Variants in DMBT1 observed in about 807,000 individuals in gnomAD.
DMBT1 encodes scavenger receptor cysteine-rich domain-containing protein DMBT1.
Under a neutral mutation model 252.9 loss-of-function variants are expected in DMBT1, and 198 were observed. The ratio of observed to expected loss-of-function variants is 0.78; its 90% CI spans 0.70 to 0.88. DMBT1 has a LOEUF of 0.88. Ranked by LOEUF, DMBT1 falls within the 40% of genes least tolerant of loss-of-function variation. DMBT1 has a pLI of 0.00. For missense variants in DMBT1, 2,432 were observed against 2,404.7 expected (o/e 1.01, Z -0.24); for synonymous variants, 990 against 942.7 (o/e 1.05, Z -0.92).
At chr10:122,622,734 T>C (rs1173826818) in intron 44 of DMBT1, among the ~76,000 whole-genome samples, 2 of 152,208 alleles carry the variant, frequency 1.3e-5, no homozygotes, top group African/African-American at 2.4e-5. Context: ...CCCATCTTTG[T>C]GTTCCTTTGG....
intron 5 of DMBT1, among the ~76,000 whole-genome samples, chr10:122,573,399 G>A (rs765637383): frequency 5.9e-5 from 9 of 152,314 alleles, no homozygotes; most frequent in East Asian, 1.9e-4. Context: ...CATAGAAACC[G>A]CCAGATGTCT....
chr10:122,620,190 T>A, intron 42 of DMBT1, 63 bp from the exon 43 acceptor site: 1 of 1,561,644 alleles, frequency 6.4e-7, no homozygotes, highest in Non-Finnish European at 8.8e-7. Flanking sequence ...GTTCAGAGAT[T>A]TTTTTTTGTA....
At chr10:122,626,490 T>A (rs548193090) in intron 46 of DMBT1, among the ~76,000 whole-genome samples, 23 of 152,334 alleles carry the variant, frequency 1.5e-4, no homozygotes, top group African/African-American at 5.5e-4. Context: ...TATAGATAAT[T>A]TTTTTGCATA....
chr10:122,633,001 C>G (rs760911639), intron 51 of DMBT1, 111 bp downstream of exon 51: 3 of 1,554,630 alleles, frequency 1.9e-6, no homozygotes, highest in African/African-American at 1.4e-5. Flanking sequence ...CCAAAGTGGT[C>G]TCCCTGCAAG....
intron 2 of DMBT1, among the ~76,000 whole-genome samples, 163 bp downstream of exon 2, chr10:122,566,159 G>A (rs898054000): frequency 1.1e-4 from 17 of 152,222 alleles, no homozygotes; most frequent in African/African-American, 4.1e-4. Context: ...CCAAGACCTG[G>A]GGCATGTCTC....
At chr10:122,600,240 C>A in intron 27 of DMBT1, 147 bp downstream of exon 27, 8 of 1,238,198 alleles carry the variant, frequency 6.5e-6, no homozygotes, top group Non-Finnish European at 8.9e-6. Context: ...TAACTGAGAC[C>A]CCAGCACAGC....
At chr10:122,593,150 C>T (rs1223132694) in intron 20 of DMBT1, among the ~76,000 whole-genome samples, 1 of 148,912 alleles carries the variant, frequency 6.7e-6, no homozygotes, top group Non-Finnish European at 1.5e-5. Context: ...CAGAGCACTG[C>T]CTTGCCCTGG....
At position 122,634,388 on chromosome 10, in the gene DMBT1, C is replaced by CTT. The variant is rs869172652; in HGVS notation, c.6548+1049_6548+1050dup. Among the ~76,000 whole-genome samples the CTT allele has an allele frequency of 2.4e-3, 325 of 136,412 alleles. 3 individuals carry two copies. The highest frequency in any genetic ancestry group is 8.3e-3 in the African/African-American group (291 of 35,132). The allele number at this position is 136,412 out of a possible 152,430, so 89.5% of individuals were successfully genotyped here. The stretch of plus-strand genomic sequence containing the variant: ...TCTTTCTTTCTTTCTTTCTTTCTTT[C>CTT]TTTCTTTCTTTCTTTTCTTTCTTTC... On this transcript the variant is annotated intron_variant, in intron 52 of 55. Transcript: ENST00000338354.
intron 10 of DMBT1, 49 bp from the exon 11 acceptor site, chr10:122,580,817 G>C: frequency 6.2e-7 from 1 of 1,613,050 alleles, no homozygotes; most frequent in Non-Finnish European, 8.5e-7. Context: ...CAGTTTTGCC[G>C]ACTTCTGTGT....
At position 122,620,277 on chromosome 10, in the gene DMBT1, C is replaced by T. The variant is rs374102516; in HGVS notation, c.5270C>T (p.Pro1757Leu). 40 of 1,613,828 alleles carry T rather than the reference C, an allele frequency of 2.5e-5. No homozygotes were observed. Among genetic ancestry groups the T allele is most frequent in the African/African-American group, 5.3e-5 (4 of 74,912 alleles). Residue 1757 changes from proline (P) to leucine (L), a missense_variant, in exon 43 of 56, where the codon CCG becomes CTG. Transcript: ENST00000338354. Reference sequence around the variant, plus strand: ...GATACTTGGCTGACCACCAACTTACCGGCATTGACAGTAGGTAAATAATCC... The same window carrying T: ...GATACTTGGCTGACCACCAACTTACTGGCATTGACAGTAGGTAAATAATCC... ...RPDTWLTTNL[P>L]ALTVGSESSL...
intron 41 of DMBT1, among the ~76,000 whole-genome samples, chr10:122,618,926 G>A (rs563623821): frequency 1.4e-4 from 21 of 152,260 alleles, no homozygotes; most frequent in Non-Finnish European, 2.5e-4. Flanking sequence ...GCCCCCATGA[G>A]TCTGGCCAGG....
At position 122,586,480 on chromosome 10, in the gene DMBT1, T is replaced by G. The variant is rs2097790660; in HGVS notation, c.1783+97T>G. 4 of 1,496,432 alleles carry G rather than the reference T, an allele frequency of 2.7e-6. 1 individual carries two copies. The Admixed American group carries it at 6.1e-5, about 23-fold the overall frequency. 92.7% of individuals were successfully genotyped at this position (1,496,432 alleles called of 1,614,324 possible). A position where few individuals can be genotyped will look rare whatever the true frequency, so the allele number is the denominator to read the frequency against. Reference sequence around the variant, plus strand: ...TCTCCTCACTTAGAGCTTTTTCAACTTTTCCTATATTTCTGATACCTCCTT... The same window carrying G: ...TCTCCTCACTTAGAGCTTTTTCAACGTTTCCTATATTTCTGATACCTCCTT... On this transcript the variant is annotated intron_variant, in intron 16 of 55. Transcript: ENST00000338354.
intron 50 of DMBT1, 70 bp downstream of exon 50, chr10:122,631,945 G>A: frequency 6.5e-7 from 1 of 1,538,258 alleles, no homozygotes; most frequent in Non-Finnish European, 9.0e-7. Flanking sequence ...CCTAGACTGT[G>A]CAGGGCATGT....
intron 2 of DMBT1, among the ~76,000 whole-genome samples, chr10:122,568,078 A>T (rs1173640259): frequency 6.6e-6 from 1 of 152,156 alleles, no homozygotes; most frequent in Non-Finnish European, 1.5e-5. Context: ...GTTCAAGGGG[A>T]TGAAGGCTTA....
chr10:122,617,209 TC>T lies in DMBT1; in HGVS notation c.4859-18del. ...CCTTCAAGTCTAATTCTGTCTTTTTTCTTTGTTGCTATTTACAGACACTTGG... is the reference window on the plus strand; with the variant it reads ...CCTTCAAGTCTAATTCTGTCTTTTTTTTTGTTGCTATTTACAGACACTTGG... On this transcript the variant is annotated intron_variant, in intron 39 of 55. Coordinates refer to ENST00000338354, the MANE Select transcript of DMBT1 (RefSeq NM_001377530.1). 1 of 1,608,394 alleles carries T rather than the reference TC, an allele frequency of 6.2e-7. No individual in the cohort carries two copies. Among genetic ancestry groups the T allele is most frequent in the Non-Finnish European group, 8.5e-7 (1 of 1,178,038 alleles).
rs1555030175 is a variant in DMBT1, at chr10:122,634,372, C to CTTTCTTTCTT, written c.6548+1033_6548+1042dup. Among the ~76,000 whole-genome samples, 7 of 127,514 alleles carry CTTTCTTTCTT rather than the reference C, an allele frequency of 5.5e-5. No homozygotes were observed. In the South Asian group the frequency reaches 8.1e-4, roughly 15 times the overall value. 83.7% of individuals were successfully genotyped at this position (127,514 alleles called of 152,430 possible). A position where few individuals can be genotyped will look rare whatever the true frequency, so the allele number is the denominator to read the frequency against. Reference sequence around the variant, plus strand: ...TCTTTCTTTCTTTCTTTCTTTCTTTCTTTCTTTCTTTCTTTCTTTCTTTCT... The same window carrying CTTTCTTTCTT: ...TCTTTCTTTCTTTCTTTCTTTCTTTCTTTCTTTCTTTTTCTTTCTTTCTTTCTTTCTTTCT... On this transcript the variant is annotated intron_variant, in intron 52 of 55. Coordinates refer to ENST00000338354, the MANE Select transcript of DMBT1 (RefSeq NM_001377530.1).
chr10:122,580,519 A>G (rs761933615), intron 10 of DMBT1, among the ~76,000 whole-genome samples: 1 of 152,128 alleles, frequency 6.6e-6, no homozygotes, highest in Non-Finnish European at 1.5e-5. Flanking sequence ...ATTGCCTGTG[A>G]TTGGGGCTTG....
rs2098065134 is a variant in DMBT1 at position 122,621,242 on chromosome 10, T to G, written c.5470T>G (p.Phe1824Val). The G allele has an allele frequency of 1.2e-6, 2 of 1,613,760 alleles. No homozygotes were observed. The highest frequency in any genetic ancestry group is 1.7e-6 in the Non-Finnish European group (2 of 1,179,758). The change falls in exon 44 of 56, where the codon TTT (phenylalanine) becomes GTT (valine). Residue 1824 changes from phenylalanine (F) to valine (V), a missense_variant. Phe to Val is a conservative substitution (Grantham distance 50). Transcript: ENST00000338354. The stretch of plus-strand genomic sequence containing the variant: ...CATGTCGGCCCCAGGAAATGCCCGG[T>G]TTGGCCAGGGCTCAGGACCCATTGT... ...WAMSAPGNAR[F>V]GQGSGPIVLD... is the part of the protein sequence containing the mutation.
chr10:122,626,528 A>C (rs907568183), intron 46 of DMBT1, among the ~76,000 whole-genome samples: 1 of 152,196 alleles, frequency 6.6e-6, no homozygotes, highest in Non-Finnish European at 1.5e-5. Flanking sequence ...TTAGGATATA[A>C]ATGGGTTTAC....
Sources: gnomAD v4.1 joint callset for allele counts (sites outside exome capture counted in the v4.1 genomes callset) on GRCh38, gnomAD v4.1.1 for gene constraint, MANE v1.5 for transcripts, NCBI Gene and HGNC (gene_info 2026-07-23, HGNC 2026-07-21) for gene names.